Variants in DPP6 observed in about 807,000 individuals in gnomAD.
DPP6 encodes the protein dipeptidyl peptidase like 6, also known as A-type potassium channel modulatory protein DPP6.
A neutral mutation model predicts 122.6 loss-of-function variants in DPP6; 69 were observed. That is an observed-to-expected ratio of 0.56 (90% CI 0.46 to 0.69). The LOEUF (loss-of-function observed/expected upper bound fraction) is 0.69, where lower values mean the gene tolerates loss of function less well. Ranked by LOEUF, DPP6 falls within the 30% of genes least tolerant of loss-of-function variation. The pLI, the probability that DPP6 is intolerant of heterozygous loss-of-function variation, is 0.00. For synonymous variants in DPP6, 418 were observed against 433.1 expected (o/e 0.97, Z 0.43); for missense variants, 928 against 1,116.9 (o/e 0.83, Z 2.41).
chr7:154,101,532 A>G (rs1805722883), intron 1 of DPP6, among the ~76,000 whole-genome samples: 1 of 151,938 alleles, frequency 6.6e-6, no homozygotes. Context: ...ATCTTATCAG[A>G]AAAGGGGTGA....
At chr7:154,060,644 G>A (rs1161732476) in intron 1 of DPP6, among the ~76,000 whole-genome samples, 1 of 146,596 alleles carries the variant, frequency 6.8e-6, no homozygotes, top group Non-Finnish European at 1.5e-5. Context: ...AGGAGGGGGA[G>A]GCACCCCCCA....
intron 21 of DPP6, 109 bp downstream of exon 21, chr7:154,881,051 C>A: frequency 1.4e-6 from 2 of 1,408,236 alleles, no homozygotes; most frequent in African/African-American, 2.9e-5. Flanking sequence ...TGCTGGTGAG[C>A]AAGTAATTTT....
intron 6 of DPP6, among the ~76,000 whole-genome samples, chr7:154,665,664 G>A (rs1838102965): frequency 6.6e-6 from 1 of 151,974 alleles, no homozygotes; most frequent in Admixed American, 6.6e-5. Flanking sequence ...CTACTGGGGT[G>A]TCATTGTTTC....
At chr7:154,527,551 A>G (rs1022720933) in intron 3 of DPP6, among the ~76,000 whole-genome samples, 3 of 152,246 alleles carry the variant, frequency 2.0e-5, no homozygotes, top group Non-Finnish European at 4.4e-5. Flanking sequence ...AAAATAAATA[A>G]TAGAACACTG....
intron 1 of DPP6, among the ~76,000 whole-genome samples, chr7:154,115,919 T>A (rs1449357391): frequency 6.6e-6 from 1 of 151,984 alleles, no homozygotes; most frequent in Admixed American, 6.6e-5. Flanking sequence ...GGTAACCTCA[T>A]TTGAGAGTTC....
chr7:153,802,390 T>G, the DPP6 span, among the ~76,000 whole-genome samples: 3 of 152,230 alleles, frequency 2.0e-5, no homozygotes, highest in Non-Finnish European at 4.4e-5. Flanking sequence ...GGGGCCTTCC[T>G]TGTTGAAATA....
At chr7:154,132,792 G>A (rs573887142) in intron 1 of DPP6, among the ~76,000 whole-genome samples, 31 of 151,446 alleles carry the variant, frequency 2.0e-4, no homozygotes, top group African/African-American at 6.4e-4. Context: ...GATGCCACAC[G>A]TGAAACCACA....
At chr7:154,619,991 C>T (rs1202482215) in intron 5 of DPP6, among the ~76,000 whole-genome samples, 4 of 152,158 alleles carry the variant, frequency 2.6e-5, no homozygotes, top group Non-Finnish European at 5.9e-5. Context: ...AGATTCAAAG[C>T]CTCAAAGATT....
intron 16 of DPP6, 59 bp downstream of exon 16, chr7:154,807,171 G>A (rs1798752209): frequency 6.3e-7 from 1 of 1,589,004 alleles, no homozygotes; most frequent in Admixed American, 1.7e-5. Context: ...TGCAGGGAGG[G>A]GGTGGGCACA....
rs143682619 is a variant in DPP6 at position 154,493,100 on chromosome 7, G to A, written c.457+18063G>A. Among the ~76,000 whole-genome samples, 590 of 152,284 alleles carry A rather than the reference G, an allele frequency of 3.9e-3. 3 individuals carry two copies. Among genetic ancestry groups the A allele is most frequent in the African/African-American group, 0.013 (554 of 41,540 alleles). On this transcript the variant is annotated intron_variant, in intron 3 of 25. Coordinates refer to ENST00000377770, the MANE Select transcript of DPP6 (RefSeq NM_130797.4). ...CAGCCTGGAAATGAGTGCACAGTTTGATATGGGACCCATCAAAGATGTCAT... is the reference window on the plus strand; with the variant it reads ...CAGCCTGGAAATGAGTGCACAGTTTAATATGGGACCCATCAAAGATGTCAT...
intron 6 of DPP6, among the ~76,000 whole-genome samples, chr7:154,663,075 GTATATTGGC>G: frequency 1.7e-5 from 1 of 59,440 alleles, no homozygotes; most frequent in African/African-American, 4.2e-5. Flanking sequence ...AATCACCATG[GTATATTGGC>G]CATAGCGTTC....
intron 1 of DPP6, among the ~76,000 whole-genome samples, chr7:153,951,862 G>A (rs1802233204): frequency 6.6e-6 from 1 of 152,056 alleles, no homozygotes; most frequent in African/African-American, 2.4e-5. Context: ...GGTCAACATG[G>A]TGAAACCCCG....
chr7:154,863,913 A>T lies in DPP6; in HGVS notation c.1715-4082A>T, dbSNP rs1803633473. On this transcript the variant is annotated intron_variant, in intron 17 of 25. Transcript: ENST00000377770. This position sits in a 1 kb window ranked among gnomAD's most constrained non-coding sequence, Gnocchi z 4.1. ...GGCCTGAATCTGGTCTTCGAATATG[A>T]CTAATGGCCTAGCCCTGGGGTAAGC... Among the ~76,000 whole-genome samples the T allele has an allele frequency of 6.6e-6, 1 of 152,168 alleles. No homozygotes were observed. The highest frequency in any genetic ancestry group is 1.5e-5 in the Non-Finnish European group (1 of 68,034).
intron 1 of DPP6, among the ~76,000 whole-genome samples, chr7:154,218,977 A>C (rs1800153738): frequency 6.6e-6 from 1 of 150,792 alleles, no homozygotes; most frequent in African/African-American, 2.5e-5. Context: ...TATTGAAGAT[A>C]TATATACACA....
In DPP6 at chr7:154,183,953, C is replaced by T. The variant is rs376596786; in HGVS notation, c.243+130890C>T. 1.8e-4 allele frequency among the ~76,000 whole-genome samples: 28 copies of T among 152,340 alleles called. 1 individual carries two copies. Among genetic ancestry groups the T allele is most frequent in the African/African-American group, 6.7e-4 (28 of 41,582 alleles). On this transcript the variant is annotated intron_variant, in intron 1 of 25. Coordinates refer to ENST00000377770, the MANE Select transcript of DPP6 (RefSeq NM_130797.4). ...ATCTGTAGATTTATTTCTTAATTGCCTAAACCACTCTGAAATACCTGTCCA... is the reference window on the plus strand; with the variant it reads ...ATCTGTAGATTTATTTCTTAATTGCTTAAACCACTCTGAAATACCTGTCCA...
At chr7:154,150,009 C>A (rs1400472760) in intron 1 of DPP6, among the ~76,000 whole-genome samples, 7 of 152,250 alleles carry the variant, frequency 4.6e-5, no homozygotes, top group Non-Finnish European at 7.4e-5. Context: ...TAATGATTAG[C>A]AAGCAGAACC....
intron 3 of DPP6, chr7:154,475,478 T>C (rs1586386805): frequency 4.5e-6 from 1 of 220,396 alleles, no homozygotes; most frequent in Non-Finnish European, 9.1e-6. Flanking sequence ...CATGGAGTTC[T>C]TGTAGAATAG....
intron 1 of DPP6, among the ~76,000 whole-genome samples, chr7:154,149,676 G>T (rs1168750331): frequency 6.6e-6 from 1 of 152,094 alleles, no homozygotes; most frequent in Non-Finnish European, 1.5e-5. Flanking sequence ...AAACAGAAAA[G>T]ATTATAGAGA....
At chr7:153,827,463 C>T in the DPP6 span, among the ~76,000 whole-genome samples, 1 of 152,118 alleles carries the variant, frequency 6.6e-6, no homozygotes. Context: ...AGGCAGACCA[C>T]CTGGGGAGCT....
Sources: gnomAD v4.1 joint callset for allele counts (sites outside exome capture counted in the v4.1 genomes callset) on GRCh38, gnomAD v4.1.1 for gene constraint, Gnocchi (gnomAD v3.1) non-coding constraint, MANE v1.5 for transcripts, NCBI Gene and HGNC (gene_info 2026-07-23, HGNC 2026-07-21) for gene names.